GFI1B: variants seen among roughly 807,000 people sequenced by gnomAD.
The protein encoded by GFI1B is growth factor independent 1B transcriptional repressor.
Under a neutral mutation model 35.3 loss-of-function variants are expected in GFI1B, and 20 were observed. That is an observed-to-expected ratio of 0.57 (90% confidence interval 0.40 to 0.82). GFI1B has a LOEUF of 0.82. Among genes scored for constraint, GFI1B ranks in the 40% least tolerant of loss-of-function variants. The probability of loss-of-function intolerance (pLI) is 0.00; values close to 1 mark genes in which losing one functional copy is unlikely to be tolerated. For missense variants in GFI1B, 430 were observed against 446.3 expected (o/e 0.96, Z 0.33); for synonymous variants, 178 against 177.6 (o/e 1.00, Z -0.02).
intron 2 of GFI1B, 111 bp downstream of exon 2, chr9:132,986,889 AAAC>A: frequency 4.2e-6 from 3 of 713,812 alleles, no homozygotes; most frequent in Non-Finnish European, 7.5e-6. Context: ...CCAAGTCTGG[AAAC>A]AGGAGTGCAG....
chr9:132,958,892 A>G (rs1848323058), intron 1 of GFI1B, among the ~76,000 whole-genome samples: 1 of 152,076 alleles, frequency 6.6e-6, no homozygotes, highest in South Asian at 2.1e-4. Context: ...TCAGAAGGTA[A>G]ATGAGAGACC....
chr9:132,959,425 A>G (rs1304341613), intron 1 of GFI1B, among the ~76,000 whole-genome samples: 4 of 152,214 alleles, frequency 2.6e-5, no homozygotes, highest in Non-Finnish European at 5.9e-5. Context: ...GCTTTCCTTT[A>G]TAAATTACCC....
At chr9:132,951,626 C>G (rs1361557326) in intron 1 of GFI1B, 6 of 152,178 alleles carry the variant, frequency 3.9e-5, no homozygotes, top group African/African-American at 1.4e-4. Context: ...CGCTTCCAAC[C>G]CTTAGTCACA....
chr9:132,975,886 C>G (rs540475765), upstream of GFI1B, among the ~76,000 whole-genome samples: 14 of 152,298 alleles, frequency 9.2e-5, no homozygotes, highest in African/African-American at 3.1e-4. Context: ...GGACACAGAG[C>G]ATGGGAAGTC....
rs983076850 is a variant in GFI1B at position 132,989,536 on chromosome 9, G to A, written c.649-206G>A. ...CATTTATTGAGGTTTATTTTGAGCG[G>A]GATACCGTGAAGATTACAAGGAAAA... On this transcript the variant is annotated intron_variant, in intron 5 of 6. Transcript: ENST00000372122. The surrounding 1 kb of genome is among the most constrained non-coding windows in gnomAD (Gnocchi z 6.2). 1.7e-6 allele frequency: 1 copy of A among 603,590 alleles called. No individual in the cohort carries two copies. The highest frequency in any genetic ancestry group is 1.9e-5 in the South Asian group (1 of 51,342). The allele number at this position is 603,590 out of a possible 1,614,324, so 37.4% of individuals were successfully genotyped here.
Position 132,986,776 on chromosome 9 carries a change from CG to C in GFI1B, c.100+1del. On this transcript the variant is annotated frameshift_variant and splice_region_variant, in exon 2 of 7. Coordinates refer to ENST00000372122, the MANE Select transcript of GFI1B (RefSeq NM_001377304.1). LOFTEE classifies it high-confidence loss of function. ...DEPLWPPALT[P>X]VPRDQAPSNS... The stretch of plus-strand genomic sequence containing the variant: ...CCGCTCTGGCCTCCTGCCCTTACCC[CG>C]GGTGAGTCAGAGCCCGGGCTGGCGC... The C allele has an allele frequency of 6.2e-7, 1 of 1,604,352 alleles. No individual in the cohort carries two copies. Among genetic ancestry groups the C allele is most frequent in the Non-Finnish European group, 8.5e-7 (1 of 1,173,588 alleles).
intron 1 of GFI1B, among the ~76,000 whole-genome samples, chr9:132,954,631 A>G (rs572532706): frequency 6.6e-6 from 1 of 151,824 alleles, no homozygotes; most frequent in African/African-American, 2.4e-5. Flanking sequence ...TATGTTGTCC[A>G]GGGTGGTCTC....
chr9:132,964,326 A>C (rs1848416089), intron 1 of GFI1B, among the ~76,000 whole-genome samples: 1 of 152,206 alleles, frequency 6.6e-6, no homozygotes, highest in African/African-American at 2.4e-5. Context: ...TGATGGATAC[A>C]CTAAAATACC....
intron 1 of GFI1B, among the ~76,000 whole-genome samples, chr9:132,946,207 T>C (rs1848094073): frequency 6.6e-6 from 1 of 152,124 alleles, no homozygotes; most frequent in Non-Finnish European, 1.5e-5. Flanking sequence ...TCTAACACAG[T>C]CGCTGGGGGG....
intron 6 of GFI1B, among the ~76,000 whole-genome samples, chr9:132,990,164 C>G (rs1849239419): frequency 6.6e-6 from 1 of 152,250 alleles, no homozygotes; most frequent in South Asian, 2.1e-4. Flanking sequence ...ACTGCTCATT[C>G]ATTTGTTCAC....
intron 1 of GFI1B, among the ~76,000 whole-genome samples, chr9:132,960,531 C>T (rs1369921241): frequency 6.6e-6 from 1 of 151,988 alleles, no homozygotes; most frequent in Admixed American, 6.6e-5. Context: ...CAGGATCTCG[C>T]TTTGTCCCTG....
chr9:132,992,932 T>C (rs967344935), downstream of GFI1B, among the ~76,000 whole-genome samples: 1 of 151,936 alleles, frequency 6.6e-6, no homozygotes, highest in African/African-American at 2.4e-5. Context: ...CACACAACCT[T>C]CTGCAATGGA....
At chr9:132,979,681 C>T (rs1848750939) in intron 1 of GFI1B, among the ~76,000 whole-genome samples, 1 of 152,182 alleles carries the variant, frequency 6.6e-6, no homozygotes, top group Admixed American at 6.5e-5. Flanking sequence ...TTCAGCTCGC[C>T]TTTCCCTGTG....
At chr9:132,963,075 C>T (rs1421247737) in intron 1 of GFI1B, among the ~76,000 whole-genome samples, 2 of 126,790 alleles carry the variant, frequency 1.6e-5, no homozygotes, top group African/African-American at 6.1e-5. Context: ...GAGTGAGACT[C>T]CATCTCAAAA....
intron 1 of GFI1B, among the ~76,000 whole-genome samples, chr9:132,971,588 AAG>A (rs890208846): frequency 1.3e-4 from 20 of 152,212 alleles, no homozygotes; most frequent in African/African-American, 4.8e-4. Flanking sequence ...ACAAGTGGGA[AAG>A]AGAGACAGGA....
At chr9:132,963,346 G>A (rs1039953357) in intron 1 of GFI1B, among the ~76,000 whole-genome samples, 3 of 152,038 alleles carry the variant, frequency 2.0e-5, no homozygotes, top group African/African-American at 7.3e-5. Context: ...GGCATGTTGT[G>A]GCACGCACTT....
chr9:132,989,700 G>A lies in GFI1B; in HGVS notation c.649-42G>A. ...GGGGATCCCGGCCGGGTCCAGTCCTGAGCCTGCACCTGACCCCCCGGGGCC... is the reference window on the plus strand; with the variant it reads ...GGGGATCCCGGCCGGGTCCAGTCCTAAGCCTGCACCTGACCCCCCGGGGCC... On this transcript the variant is annotated intron_variant, in intron 5 of 6. Transcript: ENST00000372122. The surrounding 1 kb of genome is among the most constrained non-coding windows in gnomAD (Gnocchi z 6.2). 7 of 1,580,088 alleles carry A rather than the reference G, an allele frequency of 4.4e-6. No individual in the cohort carries two copies. The highest frequency in any genetic ancestry group is 6.1e-6 in the Non-Finnish European group (7 of 1,151,452).
intron 1 of GFI1B, among the ~76,000 whole-genome samples, chr9:132,960,595 C>G (rs1226400037): frequency 2.0e-5 from 3 of 152,012 alleles, no homozygotes; most frequent in African/African-American, 7.2e-5. Flanking sequence ...CTCCTGGGCT[C>G]AAGTGGTCCT....
intron 1 of GFI1B, among the ~76,000 whole-genome samples, chr9:132,949,335 A>ACT (rs1204586508): frequency 6.6e-6 from 1 of 151,160 alleles, no homozygotes; most frequent in East Asian, 1.9e-4. Context: ...ACACACACAC[A>ACT]CACACATACA....
Sources: gnomAD v4.1 joint callset for allele counts (sites outside exome capture counted in the v4.1 genomes callset) on GRCh38, gnomAD v4.1.1 for gene constraint, Gnocchi (gnomAD v3.1) non-coding constraint, MANE v1.5 for transcripts, NCBI Gene and HGNC (gene_info 2026-07-23, HGNC 2026-07-21) for gene names.